Variants in DDX31 observed in about 807,000 individuals in gnomAD.
DDX31 encodes ATP-dependent DNA helicase DDX31.
Under a neutral mutation model 91.3 loss-of-function variants are expected in DDX31, and 70 were observed. The observed-to-expected ratio is 0.77, with a 90% confidence interval of 0.63 to 0.94. The LOEUF is 0.94. Ranked by LOEUF, DDX31 falls within the 40% of genes least tolerant of loss-of-function variation. DDX31 has a pLI of 0.00. For synonymous variants in DDX31, 362 were observed against 350.6 expected (o/e 1.03, Z -0.36); for missense variants, 902 against 925.0 (o/e 0.98, Z 0.32).
chr9:132,628,029 CGTT>C (rs1275643194), intron 16 of DDX31, among the ~76,000 whole-genome samples: 3 of 152,206 alleles, frequency 2.0e-5, no homozygotes, highest in East Asian at 1.9e-4. Flanking sequence ...TTGTTGTTGT[CGTT>C]GTTGCTGTTT....
intron 2 of DDX31, 35 bp from the exon 3 acceptor site, chr9:132,662,371 C>G (rs754997749): frequency 6.2e-7 from 1 of 1,613,920 alleles, no homozygotes; most frequent in Admixed American, 1.7e-5. Context: ...GGCATCAGTG[C>G]CAATATTAAC....
At chr9:132,610,498 A>C (rs529729644) in intron 19 of DDX31, among the ~76,000 whole-genome samples, 1 of 152,320 alleles carries the variant, frequency 6.6e-6, no homozygotes, top group Non-Finnish European at 1.5e-5. Flanking sequence ...CACTGTATCC[A>C]TTCCAATGAG....
chr9:132,653,633 T>G (rs2130803438), intron 6 of DDX31, among the ~76,000 whole-genome samples: 1 of 151,144 alleles, frequency 6.6e-6, no homozygotes, highest in Middle Eastern at 3.5e-3. Context: ...TGAAGAAAAT[T>G]TAAAAACACC....
intron 18 of DDX31, among the ~76,000 whole-genome samples, chr9:132,616,172 AT>A (rs1564288645): frequency 6.6e-6 from 1 of 152,226 alleles, no homozygotes; most frequent in Non-Finnish European, 1.5e-5. Flanking sequence ...GGCGAGACTT[AT>A]GTCTGAAATG....
At chr9:132,638,469 A>T in intron 14 of DDX31, 6 of 1,498,186 alleles carry the variant, frequency 4.0e-6, no homozygotes, top group Non-Finnish European at 5.6e-6. Context: ...ACTTCCAATG[A>T]CTCCTTCTTG....
chr9:132,620,420 CAA>C (rs1208464360), intron 17 of DDX31, among the ~76,000 whole-genome samples: 12 of 107,366 alleles, frequency 1.1e-4, no homozygotes, highest in East Asian at 7.9e-4. Context: ...TCTTCCCAAC[CAA>C]AAAAAAAAAA....
In DDX31 at chr9:132,646,913, T is replaced by G. The variant is rs756125507; in HGVS notation, c.1113A>C (p.Ala371=). 5.6e-6 allele frequency: 9 copies of G among 1,614,204 alleles called. No individual in the cohort carries two copies. ...CATGCTGCTTGAGACTCTCTGGTAT[T>G]GCAAAGCTGTCCAGCTTGTCGCCAG... ...PPAGDKLDSF[A]IPESLKQHVT... The change falls in exon 12 of 20, where the codon GCA becomes GCC. Residue 371 remains alanine (A), a synonymous_variant. Transcript: ENST00000372159.
chr9:132,599,720 T>TAGAC (rs1009190479), intron 19 of DDX31, among the ~76,000 whole-genome samples: 9 of 152,336 alleles, frequency 5.9e-5, no homozygotes, highest in East Asian at 1.9e-4. Flanking sequence ...AATTAAAACA[T>TAGAC]AGACAGACAG....
chr9:132,660,412 GC>G (rs1834861791), intron 4 of DDX31, among the ~76,000 whole-genome samples: 1 of 151,648 alleles, frequency 6.6e-6, no homozygotes, highest in Non-Finnish European at 1.5e-5. Context: ...ACACACTCTT[GC>G]CCTCACTAAC....
chr9:132,663,136 A>AAAGC, intron 1 of DDX31: 3 of 1,272,220 alleles, frequency 2.4e-6, no homozygotes, highest in Non-Finnish European at 3.1e-6. Flanking sequence ...CTCCACCAAC[A>AAAGC]AAGCACACTG....
intron 1 of DDX31, among the ~76,000 whole-genome samples, chr9:132,665,273 G>C (rs1052074080): frequency 6.6e-6 from 1 of 152,148 alleles, no homozygotes. Flanking sequence ...TCTACTACTT[G>C]TTAGCTTTTC....
At chr9:132,619,755 T>C (rs960316179) in intron 17 of DDX31, among the ~76,000 whole-genome samples, 57 of 152,204 alleles carry the variant, frequency 3.7e-4, no homozygotes, top group African/African-American at 1.4e-3. Flanking sequence ...AAAGTGGACA[T>C]TTGCTATTGT....
chr9:132,622,829 A>G (rs933522368), intron 17 of DDX31, among the ~76,000 whole-genome samples: 20 of 152,222 alleles, frequency 1.3e-4, no homozygotes, highest in Admixed American at 7.2e-4. Context: ...AGTTACAGTA[A>G]TAATAAAAAA....
At chr9:132,656,448 G>A (rs73562942) in intron 6 of DDX31, among the ~76,000 whole-genome samples, 1,810 of 152,166 alleles carry the variant, frequency 0.012, 31 homozygotes, top group African/African-American at 0.041. Flanking sequence ...ACATGACCAC[G>A]TTGCTGACGA....
rs372911669 is a variant in DDX31 at position 132,594,829 on chromosome 9, G to A, written c.*37C>T. 190 of 1,603,458 alleles carry A rather than the reference G, an allele frequency of 1.2e-4. 1 individual carries two copies. The highest frequency in any genetic ancestry group is 2.5e-4 in the Admixed American group (15 of 59,512). Reference sequence around the variant, plus strand: ...ACTGGACATCAATCCACTGCCACCCGGGGCTTCCAGGTTCCACTCGAAGAC... The same window carrying A: ...ACTGGACATCAATCCACTGCCACCCAGGGCTTCCAGGTTCCACTCGAAGAC... On this transcript the variant is annotated 3_prime_UTR_variant, in exon 20 of 20. Transcript: ENST00000372159.
chr9:132,595,004 G>T lies in DDX31; in HGVS notation c.2103C>A (p.Asn701Lys), dbSNP rs762241533. The change falls in exon 20 of 20, where the codon AAC (asparagine) becomes AAA (lysine). Residue 701 changes from asparagine to lysine, a missense_variant. Coordinates refer to ENST00000372159, the MANE Select transcript of DDX31 (RefSeq NM_022779.9). The surrounding 1 kb of genome is among the most constrained non-coding windows in gnomAD (Gnocchi z 4.6). The stretch of plus-strand genomic sequence containing the variant: ...GCCGGCCACCAGGCTCTCCAGGTGC[G>T]TTTTGCTTTTTGACCTTGGCGATGT... ...EADIAKVKKQ[N>K]APGEPGGRPL... The T allele has an allele frequency of 6.2e-7, 1 of 1,614,186 alleles. No homozygotes were observed. The highest frequency in any genetic ancestry group is 1.1e-5 in the South Asian group (1 of 91,082).
At chr9:132,627,769 C>A (rs111821328) in intron 16 of DDX31, among the ~76,000 whole-genome samples, 2 of 152,182 alleles carry the variant, frequency 1.3e-5, no homozygotes, top group Non-Finnish European at 1.5e-5. Context: ...CCGCAGTGCT[C>A]GATCTAGGAA....
At chr9:132,652,368 T>C (rs1318344685) in intron 7 of DDX31, 80 bp downstream of exon 7, 2 of 1,554,972 alleles carry the variant, frequency 1.3e-6, no homozygotes, top group Admixed American at 1.8e-5. Flanking sequence ...GGGAGAAACA[T>C]GGTAAAACCA....
At chr9:132,647,211 T>C (rs1319729172) in intron 11 of DDX31, among the ~76,000 whole-genome samples, 153 bp from the exon 12 acceptor site, 3 of 152,144 alleles carry the variant, frequency 2.0e-5, no homozygotes, top group Non-Finnish European at 4.4e-5. Context: ...TCCGCCCTAG[T>C]GCCAACGTGT....
Sources: gnomAD v4.1 joint callset for allele counts (sites outside exome capture counted in the v4.1 genomes callset) on GRCh38, gnomAD v4.1.1 for gene constraint, Gnocchi (gnomAD v3.1) non-coding constraint, MANE v1.5 for transcripts, NCBI Gene and HGNC (gene_info 2026-07-23, HGNC 2026-07-21) for gene names.